DYNC1H1: variants seen among roughly 807,000 people sequenced by gnomAD.
DYNC1H1 encodes dynein cytoplasmic 1 heavy chain 1.
In DYNC1H1, 51 loss-of-function variants were observed where a neutral mutation model predicts 527.1. That is an observed-to-expected ratio of 0.10 (90% CI 0.08 to 0.12). The LOEUF is 0.12. Among genes scored for constraint, DYNC1H1 ranks in the 10% least tolerant of loss-of-function variants. The pLI is 1.00. For missense variants in DYNC1H1, 2,771 were observed against 5,971.8 expected (o/e 0.46, Z 17.66); for synonymous variants, 2,189 against 2,278.8 (o/e 0.96, Z 1.12).
chr14:102,022,872 C>T lies in DYNC1H1; in HGVS notation c.8629C>T (p.Leu2877=), dbSNP rs765255102. ...CCGACCCATCTTGTACAGCAACTGG[C>T]TGTCAAAGGTAGCAAACTCGCATCA... ...MSRPILYSNW[L]SKDYIPVDQE... The change falls in exon 43 of 78, where the codon CTG becomes TTG. Residue 2877 remains leucine, a synonymous_variant. Coordinates refer to ENST00000360184, the MANE Select transcript of DYNC1H1 (RefSeq NM_001376.5). The T allele has an allele frequency of 1.4e-5, 22 of 1,614,244 alleles. No individual in the cohort carries two copies. The highest frequency in any genetic ancestry group is 1.9e-5 in the Non-Finnish European group (22 of 1,180,042).
rs2048668513 is a variant in DYNC1H1 at position 102,042,844 on chromosome 14, G to A, written c.12513+96G>A. On this transcript the variant is annotated intron_variant, in intron 69 of 77. Coordinates refer to ENST00000360184, the MANE Select transcript of DYNC1H1 (RefSeq NM_001376.5). This position sits in a 1 kb window ranked among gnomAD's most constrained non-coding sequence, Gnocchi z 5.7. ...AGTGGGTCCCTGGGCCCCCGGAAGT[G>A]CCGTGTGGTGAACTGCACAGCTGCT... 2 of 1,394,080 alleles carry A rather than the reference G, an allele frequency of 1.4e-6. No individual in the cohort carries two copies. Among genetic ancestry groups the A allele is most frequent in the Non-Finnish European group, 1.0e-6 (1 of 1,001,318 alleles). The allele number at this position is 1,394,080 out of a possible 1,614,324, so 86.4% of individuals were successfully genotyped here.
Position 102,033,848 on chromosome 14 carries a change from T to C in DYNC1H1, c.10414-128T>C. The C allele has an allele frequency of 1.0e-6, 1 of 995,228 alleles. No individual in the cohort carries two copies. Among genetic ancestry groups the C allele is most frequent in the South Asian group, 1.4e-5 (1 of 73,256 alleles). 61.6% of individuals were successfully genotyped at this position (995,228 alleles called of 1,614,324 possible). ...CTGGGTCTCATCTCCTCTGGGACTG[T>C]GAACAACTTGGGCACGTTTCTAACC... On this transcript the variant is annotated intron_variant, in intron 54 of 77. Transcript: ENST00000360184. The surrounding 1 kb of genome is among the most constrained non-coding windows in gnomAD (Gnocchi z 5.6).
intron 28 of DYNC1H1, 101 bp downstream of exon 28, chr14:102,007,209 C>T: frequency 7.7e-7 from 1 of 1,303,176 alleles, no homozygotes; most frequent in Non-Finnish European, 1.1e-6. Context: ...GGTCTTACAG[C>T]TCAGCGTGGT....
Position 102,056,213 on chromosome 14 carries a change from A to G in DYNC1H1, c.*5650A>G, listed in dbSNP as rs1243567290. 2 of 152,346 alleles carry G rather than the reference A, an allele frequency of 1.3e-5. No homozygotes were observed. Among genetic ancestry groups the G allele is most frequent in the East Asian group, 1.9e-4 (1 of 5,184 alleles). 9.4% of individuals were successfully genotyped at this position (152,346 alleles called of 1,614,324 possible). The stretch of plus-strand genomic sequence containing the variant: ...GTTACCCATAGATTTCAGGCATTGT[A>G]TGGAAGAACATCGTGAGACTCCCTG... On this transcript the variant is annotated 3_prime_UTR_variant, in exon 78 of 78. Coordinates refer to ENST00000360184, the MANE Select transcript of DYNC1H1 (RefSeq NM_001376.5).
At position 101,980,664 on chromosome 14, in the gene DYNC1H1, A is replaced by AC. The variant is rs1220063106; in HGVS notation, c.961+116dup. ...TTTCACAGATGTACTGTCGTTTTTA[A>AC]CCATTTCCTTTCTTACATCACATCT... On this transcript the variant is annotated intron_variant, in intron 5 of 77. Coordinates refer to ENST00000360184, the MANE Select transcript of DYNC1H1 (RefSeq NM_001376.5). 4.0e-6 allele frequency: 5 copies of AC among 1,263,400 alleles called. No individual in the cohort carries two copies. The African/African-American group carries it at 7.5e-5, about 19-fold the overall frequency. 78.3% of individuals were successfully genotyped at this position (1,263,400 alleles called of 1,614,324 possible). A position where few individuals can be genotyped will look rare whatever the true frequency, so the allele number is the denominator to read the frequency against.
At chr14:101,984,957 A>AT (rs1193185504) in intron 7 of DYNC1H1, among the ~76,000 whole-genome samples, 1 of 146,598 alleles carries the variant, frequency 6.8e-6, no homozygotes, top group Non-Finnish European at 1.5e-5. Context: ...AAAAAAAAAA[A>AT]GGAAAAGAAA....
Position 102,038,321 on chromosome 14 carries a change from T to C in DYNC1H1, c.10909-139T>C. On this transcript the variant is annotated intron_variant, in intron 57 of 77. Transcript: ENST00000360184. This position sits in a 1 kb window ranked among gnomAD's most constrained non-coding sequence, Gnocchi z 7.2. ...TCATTTAAATGTAAGTAGCCACACATAGCTAGTGGCCACCACACGCAAGTG... is the reference window on the plus strand; with the variant it reads ...TCATTTAAATGTAAGTAGCCACACACAGCTAGTGGCCACCACACGCAAGTG... 2.2e-6 allele frequency: 3 copies of C among 1,373,858 alleles called. No homozygotes were observed. Among genetic ancestry groups the C allele is most frequent in the Non-Finnish European group, 3.0e-6 (3 of 994,794 alleles). 85.1% of individuals were successfully genotyped at this position (1,373,858 alleles called of 1,614,324 possible).
rs539986845 is a variant in DYNC1H1, at chr14:102,040,425, G to A, written c.11865+15G>A. 1 of 1,614,182 alleles carries A rather than the reference G, an allele frequency of 6.2e-7. No homozygotes were observed. Among genetic ancestry groups the A allele is most frequent in the Non-Finnish European group, 8.5e-7 (1 of 1,180,022 alleles). ...AGGCAGACGAGGTGATTGTTCTCTTGAATGTTCCCAGTAGGTAAATGTTGG... is the reference window on the plus strand; with the variant it reads ...AGGCAGACGAGGTGATTGTTCTCTTAAATGTTCCCAGTAGGTAAATGTTGG... On this transcript the variant is annotated intron_variant, in intron 63 of 77. Coordinates refer to ENST00000360184, the MANE Select transcript of DYNC1H1 (RefSeq NM_001376.5).
intron 16 of DYNC1H1, among the ~76,000 whole-genome samples, chr14:101,998,832 C>A (rs1201122909): frequency 6.6e-6 from 1 of 150,682 alleles, no homozygotes; most frequent in Non-Finnish European, 1.5e-5. Flanking sequence ...GAATATTTCT[C>A]ATCACTTTAC....
rs1357727207 is a variant in DYNC1H1 at position 102,005,836 on chromosome 14, C to T, written c.5434-52C>T. The T allele has an allele frequency of 2.2e-5, 36 of 1,606,722 alleles. No individual in the cohort carries two copies. Among genetic ancestry groups the T allele is most frequent in the Non-Finnish European group, 2.8e-5 (33 of 1,173,798 alleles). On this transcript the variant is annotated intron_variant, in intron 26 of 77. Transcript: ENST00000360184. This position sits in a 1 kb window ranked among gnomAD's most constrained non-coding sequence, Gnocchi z 4.0. ...TAACAGTCCACAAACCCGGAGAATGCACTGTATTGCTTTAGTGTAGATGAA... is the reference window on the plus strand; with the variant it reads ...TAACAGTCCACAAACCCGGAGAATGTACTGTATTGCTTTAGTGTAGATGAA...
chr14:102,040,175 A>G, intron 62 of DYNC1H1, 61 bp from the exon 63 acceptor site: 1 of 1,601,816 alleles, frequency 6.2e-7, no homozygotes, highest in Non-Finnish European at 8.5e-7. Flanking sequence ...CACAGCTGTT[A>G]TCTTAGTGAC....
intron 1 of DYNC1H1, among the ~76,000 whole-genome samples, chr14:101,970,389 C>A (rs774618266): frequency 7.0e-6 from 1 of 143,042 alleles, no homozygotes; most frequent in Non-Finnish European, 1.5e-5. Context: ...AAAACTAAAG[C>A]GGGAAAAAAA....
Position 102,011,788 on chromosome 14 carries a change from C to A in DYNC1H1, c.6619-87C>A. 2 of 1,398,376 alleles carry A rather than the reference C, an allele frequency of 1.4e-6. No individual in the cohort carries two copies. The highest frequency in any genetic ancestry group is 2.0e-6 in the Non-Finnish European group (2 of 988,540). 86.6% of individuals were successfully genotyped at this position (1,398,376 alleles called of 1,614,324 possible). On this transcript the variant is annotated intron_variant, in intron 32 of 77. Transcript: ENST00000360184. The surrounding 1 kb of genome is among the most constrained non-coding windows in gnomAD (Gnocchi z 5.3). ...AAAAATCCACACATAATGTTTCTTG[C>A]TCACTTTCACAAGAGGTGGCTGGGC...
chr14:102,006,048 A>G lies in DYNC1H1; in HGVS notation c.5594A>G (p.Lys1865Arg), dbSNP rs146678667. Residue 1865 changes from lysine to arginine, a missense_variant, in exon 27 of 78, where the codon AAA becomes AGA. Transcript: ENST00000360184. ...QQLSIQMANA[K>R]FNYGFEYLGV... The stretch of plus-strand genomic sequence containing the variant: ...TTGTCAATTCAAATGGCAAATGCCA[A>G]ATTTAACTATGGCTTTGAGTACCTG... 15 of 1,614,098 alleles carry G rather than the reference A, an allele frequency of 9.3e-6. No homozygotes were observed. The African/African-American group carries it at 1.5e-4, about 16-fold the overall frequency.
In DYNC1H1 at chr14:101,983,643, TTTTG is replaced by T; in HGVS notation, c.1461+38_1461+41del. 1.6e-5 allele frequency: 25 copies of T among 1,595,224 alleles called. No individual in the cohort carries two copies. The highest frequency in any genetic ancestry group is 2.1e-5 in the Non-Finnish European group (25 of 1,169,492). On this transcript the variant is annotated intron_variant, in intron 7 of 77. Coordinates refer to ENST00000360184, the MANE Select transcript of DYNC1H1 (RefSeq NM_001376.5). This position sits in a 1 kb window ranked among gnomAD's most constrained non-coding sequence, Gnocchi z 5.3. ...TGCATTCTAAAAGTTTGTGTTTTGT[TTTTG>T]TTTTTGTTTTGTTTTTTGTTTGGTG...
Position 102,027,330 on chromosome 14 carries a change from G to A in DYNC1H1, c.8886+42G>A, listed in dbSNP as rs1397156121. On this transcript the variant is annotated intron_variant, in intron 45 of 77. Transcript: ENST00000360184. This position sits in a 1 kb window ranked among gnomAD's most constrained non-coding sequence, Gnocchi z 7.7. The stretch of plus-strand genomic sequence containing the variant: ...GCCTCTTAATCCCAGCAACAGATGT[G>A]TGTGCAGAGCTCAGTGAGTAGGAAT... 2.5e-6 allele frequency: 4 copies of A among 1,614,000 alleles called. No homozygotes were observed. Among genetic ancestry groups the A allele is most frequent in the Middle Eastern group, 1.6e-4 (1 of 6,084 alleles).
chr14:102,024,786 C>T (rs1032569102), intron 43 of DYNC1H1, among the ~76,000 whole-genome samples: 7 of 149,754 alleles, frequency 4.7e-5, no homozygotes, highest in African/African-American at 1.5e-4. Context: ...GCTCCGCCTC[C>T]TGGGTTCACC....
At position 102,038,668 on chromosome 14, in the gene DYNC1H1, G is replaced by C; in HGVS notation, c.11056-30G>C. The C allele has an allele frequency of 6.2e-7, 1 of 1,614,228 alleles. No individual in the cohort carries two copies. The highest frequency in any genetic ancestry group is 8.5e-7 in the Non-Finnish European group (1 of 1,180,052). Reference sequence around the variant, plus strand: ...GGATGTGGTTTTGAAACTGGATTAAGACAGACTGTTCTGTTACCTATTTTG... The same window carrying C: ...GGATGTGGTTTTGAAACTGGATTAACACAGACTGTTCTGTTACCTATTTTG... On this transcript the variant is annotated intron_variant, in intron 58 of 77. Transcript: ENST00000360184. This position sits in a 1 kb window ranked among gnomAD's most constrained non-coding sequence, Gnocchi z 7.2.
Position 102,027,140 on chromosome 14 carries a change from G to T in DYNC1H1, c.8772-34G>T. On this transcript the variant is annotated intron_variant, in intron 44 of 77. Coordinates refer to ENST00000360184, the MANE Select transcript of DYNC1H1 (RefSeq NM_001376.5). This position sits in a 1 kb window ranked among gnomAD's most constrained non-coding sequence, Gnocchi z 7.7. ...TCAAAAGGGGAATGAGGCATTATAA[G>T]CCTTAACATTGATCAGTTCTCGTAA... is the stretch of plus-strand genomic sequence containing the variant. 5 of 1,603,390 alleles carry T rather than the reference G, an allele frequency of 3.1e-6. No homozygotes were observed. The highest frequency in any genetic ancestry group is 3.4e-6 in the Non-Finnish European group (4 of 1,170,310).
Sources: allele counts gnomAD v4.1 joint callset (sites outside exome capture counted in the v4.1 genomes callset), GRCh38; gene constraint gnomAD v4.1.1; non-coding constraint Gnocchi (gnomAD v3.1); transcripts MANE v1.5; gene names NCBI Gene and HGNC (gene_info 2026-07-23, HGNC 2026-07-21).